The following ZNF816 variants were observed in gnomAD, a reference collection of about 807,000 sequenced individuals.
ZNF816 encodes zinc finger protein 816.
In ZNF816, 11 loss-of-function variants were observed where a neutral mutation model predicts 8.3. The observed-to-expected ratio is 1.32, with a 90% confidence interval of 0.83 to 2.19. The LOEUF (loss-of-function observed/expected upper bound fraction) is 2.19. ZNF816 is among the 30% of genes most tolerant of loss of function. ZNF816 has a pLI of 0.00. For synonymous variants in ZNF816, 255 were observed against 254.5 expected, an observed-to-expected ratio of 1.00 and a Z score of -0.02; for missense variants, 710 against 779.3, an observed-to-expected ratio of 0.91 and a Z score of 1.06.
chr19:52,961,934 A>C (rs1237516980), intron 1 of ZNF816, among the ~76,000 whole-genome samples: 1 of 152,198 alleles, frequency 6.6e-6, no homozygotes, highest in African/African-American at 2.4e-5. Flanking sequence ...CTAGGTCCTA[A>C]AAACCTCAGT....
chr19:52,951,375 T>C lies in ZNF816; in HGVS notation c.400A>G (p.Lys134Glu). 2 of 1,614,148 alleles carry C rather than the reference T, an allele frequency of 1.2e-6. No homozygotes were observed. Among genetic ancestry groups the C allele is most frequent in the Non-Finnish European group, 1.7e-6 (2 of 1,179,986 alleles). The change falls in exon 4 of 4, where the codon AAG becomes GAG. Residue 134 changes from lysine to glutamate, a missense_variant. Coordinates refer to ENST00000444460, the MANE Select transcript of ZNF816 (RefSeq NM_001202457.3). ...CTTCGGTCTGTACTACCAGTCAACT[T>C]TTTGATTTTTGTCATGGGTGCTTCA... ...GHEAPMTKIK[K>E]LTGSTDRSDH...
chr19:52,961,755 T>C (rs11668097), intron 1 of ZNF816, among the ~76,000 whole-genome samples: 26,775 of 152,180 alleles, frequency 0.18, 2,687 homozygotes, highest in Non-Finnish European at 0.23. Flanking sequence ...ACAAGGAACT[T>C]GTTTCTCCAG....
At chr19:52,952,663 G>A (rs1351041304) in intron 3 of ZNF816, 88 bp downstream of exon 3, 1 of 1,594,012 alleles carries the variant, frequency 6.3e-7, no homozygotes, top group Non-Finnish European at 8.5e-7. Flanking sequence ...GCATGTATGG[G>A]GCAAAATCAC....
intron 1 of ZNF816, among the ~76,000 whole-genome samples, chr19:52,959,669 G>A (rs989407097): frequency 1.3e-5 from 2 of 152,140 alleles, no homozygotes; most frequent in African/African-American, 4.8e-5. Context: ...AACCCTTCAA[G>A]TGCATAAAGC....
At position 52,951,217 on chromosome 19, in the gene ZNF816, A is replaced by G. The variant is rs1461606998; in HGVS notation, c.558T>C (p.Ala186=). The change falls in exon 4 of 4, where the codon GCT becomes GCC. Residue 186 remains alanine, a synonymous_variant. Transcript: ENST00000444460. ...TTCTTTGGGATTCTGAAGCTGAGGA[A>G]GCACCGATAGACTTGTCCAATTGGT... ...ISNQLDKSIG[A]SSASESQRIS... is the part of the protein sequence containing the mutation. 6.4e-7 allele frequency: 1 copy of G among 1,566,150 alleles called. No individual in the cohort carries two copies. Among genetic ancestry groups the G allele is most frequent in the South Asian group, 1.1e-5 (1 of 89,644 alleles).
chr19:52,951,742 AC>A, intron 3 of ZNF816, 158 bp from the exon 4 acceptor site: 1 of 732,046 alleles, frequency 1.4e-6, no homozygotes, highest in Non-Finnish European at 2.0e-6. Flanking sequence ...TACTGAACAT[AC>A]AAAAATTAGC....
intron 2 of ZNF816, among the ~76,000 whole-genome samples, chr19:52,955,443 G>C (rs989214001): frequency 6.6e-6 from 1 of 152,192 alleles, no homozygotes; most frequent in African/African-American, 2.4e-5. Context: ...GGCCACTTAA[G>C]CCCAGGAGTT....
chr19:52,959,844 G>A (rs182679757), intron 1 of ZNF816, among the ~76,000 whole-genome samples: 1 of 152,274 alleles, frequency 6.6e-6, no homozygotes, highest in East Asian at 1.9e-4. Flanking sequence ...GGGAACTCCA[G>A]AGCTGACTCA....
intron 1 of ZNF816, among the ~76,000 whole-genome samples, chr19:52,961,899 C>T (rs10416138): frequency 0.41 from 62,419 of 152,016 alleles, 14,263 homozygotes; most frequent in African/African-American, 0.62. Flanking sequence ...ACAATTCCAG[C>T]TCAGAAGGCC....
chr19:52,951,695 C>A, intron 3 of ZNF816, 111 bp from the exon 4 acceptor site: 1 of 1,044,184 alleles, frequency 9.6e-7, no homozygotes, highest in Non-Finnish European at 1.4e-6. Flanking sequence ...TTAAACTTCC[C>A]AAATGTGATC....
At chr19:52,960,821 G>C (rs1003569383) in intron 1 of ZNF816, among the ~76,000 whole-genome samples, 2 of 152,132 alleles carry the variant, frequency 1.3e-5, no homozygotes, top group African/African-American at 4.8e-5. Context: ...CCTGAAACCT[G>C]GGAGGCAAGG....
Position 52,957,655 on chromosome 19 carries a change from C to T in ZNF816, c.-15-1551G>A, listed in dbSNP as rs894798531. On this transcript the variant is annotated intron_variant, in intron 1 of 3. Coordinates refer to ENST00000444460, the MANE Select transcript of ZNF816 (RefSeq NM_001202457.3). This position sits in a 1 kb window ranked among gnomAD's most constrained non-coding sequence, Gnocchi z 4.6. Reference sequence around the variant, plus strand: ...TTCAGTAGTAACCGCCCCGGTTGCCCCCCTTTCCAAAAAGACTATTGTTAT... The same window carrying T: ...TTCAGTAGTAACCGCCCCGGTTGCCTCCCTTTCCAAAAAGACTATTGTTAT... 6.6e-6 allele frequency among the ~76,000 whole-genome samples: 1 copy of T among 152,138 alleles called. No homozygotes were observed. The highest frequency in any genetic ancestry group is 2.4e-5 in the African/African-American group (1 of 41,418).
intron 1 of ZNF816, 22 bp from the exon 2 acceptor site, chr19:52,956,126 G>A (rs2083508176): frequency 6.3e-7 from 1 of 1,593,396 alleles, no homozygotes; most frequent in African/African-American, 1.4e-5. Context: ...AAAAGCAAGA[G>A]ATTTAATATT....
Position 52,950,956 on chromosome 19 carries a change from T to C in ZNF816, c.819A>G (p.Val273=), listed in dbSNP as rs376085578. 47 of 1,614,088 alleles carry C rather than the reference T, an allele frequency of 2.9e-5. No individual in the cohort carries two copies. Among genetic ancestry groups the C allele is most frequent in the Non-Finnish European group, 3.7e-5 (44 of 1,180,034 alleles). The change falls in exon 4 of 4, where the codon GTA becomes GTG. Residue 273 remains valine (V), a synonymous_variant. Coordinates refer to ENST00000444460, the MANE Select transcript of ZNF816 (RefSeq NM_001202457.3). The stretch of plus-strand genomic sequence containing the variant: ...CACCAGTGTGACATCTATGATGATA[T>C]ACAATGTATTGCTTCTGATTAAAGA... The part of the protein sequence containing the change: ...GKIFNQKQYI[V]YHHRCHTGEK...
In ZNF816 at chr19:52,949,838, C is replaced by T. The variant is rs138244668; in HGVS notation, c.1937G>A (p.Arg646Lys). The change falls in exon 4 of 4, where the codon AGG becomes AAG. Residue 646 changes from arginine (R) to lysine (K), a missense_variant. Transcript: ENST00000444460. ...LIHHQAIHGC[R>K]ETLQM ...CAATCATTACATTTGTAAAGTTTCC[C>T]TACACCCATGGATTGCTTGATGGTG... The T allele has an allele frequency of 1.6e-4, 252 of 1,613,462 alleles. No homozygotes were observed. Among genetic ancestry groups the T allele is most frequent in the Non-Finnish European group, 1.8e-4 (208 of 1,179,706 alleles).
At chr19:52,958,712 G>A (rs1045482061) in intron 1 of ZNF816, among the ~76,000 whole-genome samples, 1 of 152,174 alleles carries the variant, frequency 6.6e-6, no homozygotes, top group Admixed American at 6.5e-5. Context: ...CCAACAGGGG[G>A]AGCGCAGCCT....
At chr19:52,955,957 T>A in intron 2 of ZNF816, 70 bp downstream of exon 2, 3 of 1,551,322 alleles carry the variant, frequency 1.9e-6, no homozygotes, top group Non-Finnish European at 2.6e-6. Context: ...TCAGAGAAGA[T>A]TGGCTACTAC....
intron 2 of ZNF816, among the ~76,000 whole-genome samples, chr19:52,955,052 ATTAC>A (rs2083498050): frequency 6.6e-6 from 1 of 152,142 alleles, no homozygotes; most frequent in Non-Finnish European, 1.5e-5. Flanking sequence ...AAATAAAAGA[ATTAC>A]TTAATAATAA....
Position 52,957,845 on chromosome 19 carries a change from A to T in ZNF816, c.-15-1741T>A, listed in dbSNP as rs2083523320. Among the ~76,000 whole-genome samples, 1 of 152,218 alleles carries T rather than the reference A, an allele frequency of 6.6e-6. No individual in the cohort carries two copies. Among genetic ancestry groups the T allele is most frequent in the Non-Finnish European group, 1.5e-5 (1 of 68,052 alleles). ...AGCCACCGTCTCTTCTACAGAGCACAGCTCTTTACAGCTAAGGTTACCCAG... is the reference window on the plus strand; with the variant it reads ...AGCCACCGTCTCTTCTACAGAGCACTGCTCTTTACAGCTAAGGTTACCCAG... On this transcript the variant is annotated intron_variant, in intron 1 of 3. Transcript: ENST00000444460. The surrounding 1 kb of genome is among the most constrained non-coding windows in gnomAD (Gnocchi z 4.6).
Sources: allele counts gnomAD v4.1 joint callset (sites outside exome capture counted in the v4.1 genomes callset), GRCh38; gene constraint gnomAD v4.1.1; non-coding constraint Gnocchi (gnomAD v3.1); transcripts MANE v1.5; gene names NCBI Gene and HGNC (gene_info 2026-07-23, HGNC 2026-07-21).